Variants in CACNA2D3 observed in about 807,000 individuals in gnomAD.
The protein encoded by CACNA2D3 is voltage-dependent calcium channel subunit alpha-2/delta-3.
A neutral mutation model predicts 160.6 loss-of-function variants in CACNA2D3; 60 were observed. The observed-to-expected ratio is 0.37, with a 90% CI of 0.30 to 0.46. CACNA2D3 has a LOEUF of 0.46. Among genes scored for constraint, CACNA2D3 ranks in the 20% least tolerant of loss-of-function variants. The pLI, the probability that CACNA2D3 is intolerant of heterozygous loss-of-function variation, is 1.00. For missense variants in CACNA2D3, 1,205 were observed against 1,365.0 expected, an observed-to-expected ratio of 0.88 and a Z score of 1.85; for synonymous variants, 558 against 492.9, an observed-to-expected ratio of 1.13 and a Z score of -1.75.
chr3:54,943,639 C>G (rs912647226), intron 27 of CACNA2D3, among the ~76,000 whole-genome samples: 8 of 152,108 alleles, frequency 5.3e-5, no homozygotes, highest in Non-Finnish European at 5.9e-5. Flanking sequence ...TTCTACTCAT[C>G]TTAAATTTTC....
In CACNA2D3 at chr3:54,259,123, C is replaced by T. The variant is rs531855824; in HGVS notation, c.205-61319C>T. 2.0e-5 allele frequency among the ~76,000 whole-genome samples: 3 copies of T among 152,356 alleles called. No homozygotes were observed. In the East Asian group the frequency reaches 5.8e-4, roughly 29 times the overall value. The stretch of plus-strand genomic sequence containing the variant: ...CTTGGCCCACCAATGTCTCACCTTA[C>T]CCTGGAGATAGAGTTGGCTAAAAAA... On this transcript the variant is annotated intron_variant, in intron 2 of 37. Transcript: ENST00000474759.
chr3:54,766,678 T>C (rs1702231135), intron 13 of CACNA2D3, among the ~76,000 whole-genome samples: 1 of 152,110 alleles, frequency 6.6e-6, no homozygotes, highest in Non-Finnish European at 1.5e-5. Flanking sequence ...TTTCAAAATA[T>C]GGGAAGTTAC....
At chr3:54,858,439 C>CT (rs1699217165) in intron 17 of CACNA2D3, among the ~76,000 whole-genome samples, 1 of 152,206 alleles carries the variant, frequency 6.6e-6, no homozygotes, top group Non-Finnish European at 1.5e-5. Context: ...ATGAAACACT[C>CT]TCCTCTTCCA....
At chr3:54,359,070 A>G (rs1422279870) in intron 3 of CACNA2D3, among the ~76,000 whole-genome samples, 1 of 152,094 alleles carries the variant, frequency 6.6e-6, no homozygotes, top group Non-Finnish European at 1.5e-5. Flanking sequence ...ATAACTATGC[A>G]TTATGGGAGA....
At chr3:54,487,614 A>G (rs1575484218) in intron 4 of CACNA2D3, among the ~76,000 whole-genome samples, 1 of 152,164 alleles carries the variant, frequency 6.6e-6, no homozygotes, top group African/African-American at 2.4e-5. Flanking sequence ...GATTAAAAAT[A>G]TTTCTCTTCT....
chr3:54,664,592 G>A (rs1468020635), intron 11 of CACNA2D3, among the ~76,000 whole-genome samples: 1 of 152,212 alleles, frequency 6.6e-6, no homozygotes, highest in African/African-American at 2.4e-5. Flanking sequence ...CCGCCTGGTT[G>A]TACCTCTCAT....
chr3:54,391,485 G>T (rs1023331346), intron 4 of CACNA2D3, among the ~76,000 whole-genome samples: 2 of 151,740 alleles, frequency 1.3e-5, no homozygotes, highest in African/African-American at 4.8e-5. Flanking sequence ...CTTCATTGGC[G>T]GGGTGGCTTT....
chr3:54,424,195 G>T (rs1699880059), intron 4 of CACNA2D3, among the ~76,000 whole-genome samples: 1 of 152,030 alleles, frequency 6.6e-6, no homozygotes, highest in Non-Finnish European at 1.5e-5. Flanking sequence ...TTTTGTACTG[G>T]GCCTATAGAT....
At chr3:54,417,707 C>T (rs924200335) in intron 4 of CACNA2D3, among the ~76,000 whole-genome samples, 1 of 148,636 alleles carries the variant, frequency 6.7e-6, no homozygotes, top group African/African-American at 2.5e-5. Context: ...TTGATTGGAT[C>T]ATTCACACAC....
chr3:55,040,962 T>G (rs1396540003), intron 35 of CACNA2D3, among the ~76,000 whole-genome samples: 2 of 152,200 alleles, frequency 1.3e-5, no homozygotes, highest in Non-Finnish European at 2.9e-5. Flanking sequence ...TAGCTGTTGT[T>G]AAAATATAAG....
At chr3:54,277,306 A>G (rs1446318473) in intron 2 of CACNA2D3, among the ~76,000 whole-genome samples, 1 of 152,218 alleles carries the variant, frequency 6.6e-6, no homozygotes, top group Non-Finnish European at 1.5e-5. Flanking sequence ...ATTTTTGTAT[A>G]CGATGTCACG....
intron 11 of CACNA2D3, among the ~76,000 whole-genome samples, chr3:54,735,645 A>G (rs913234731): frequency 6.6e-6 from 1 of 151,814 alleles, no homozygotes; most frequent in Non-Finnish European, 1.5e-5. Flanking sequence ...CTATGCTTCT[A>G]CTCTTAAGCA....
At chr3:54,958,409 A>G (rs1701954056) in intron 27 of CACNA2D3, among the ~76,000 whole-genome samples, 1 of 152,074 alleles carries the variant, frequency 6.6e-6, no homozygotes, top group Non-Finnish European at 1.5e-5. Flanking sequence ...TTTAAAGAGT[A>G]TTTTTAGGTC....
rs60899252 is a variant in CACNA2D3 at position 54,886,935 on chromosome 3, C to CTTTTTTTTTTTTTTTTTTTTTTTTTT, written c.2057-1010_2057-1009insTTTTTTTTTTTTTTTTTTTTTTTTTT. Among the ~76,000 whole-genome samples the CTTTTTTTTTTTTTTTTTTTTTTTTTT allele has an allele frequency of 1.9e-5, 2 of 107,746 alleles. 1 individual carries two copies. The highest frequency in any genetic ancestry group is 3.4e-5 in the Non-Finnish European group (2 of 58,016). The allele number at this position is 107,746 out of a possible 152,430, so 70.7% of individuals were successfully genotyped here. A position where few individuals can be genotyped will look rare whatever the true frequency, so the allele number is the denominator to read the frequency against. On this transcript the variant is annotated intron_variant, in intron 23 of 37. Coordinates refer to ENST00000474759, the MANE Select transcript of CACNA2D3 (RefSeq NM_018398.3). The stretch of plus-strand genomic sequence containing the variant: ...CTAGCTTTCGCTTTTCAGCAAAGCT[C>CTTTTTTTTTTTTTTTTTTTTTTTTTT]TTTTTTTTTTTTTTGCCCCCAGTCA...
intron 9 of CACNA2D3, among the ~76,000 whole-genome samples, chr3:54,601,944 GA>G (rs372864847): frequency 1.3e-5 from 2 of 151,468 alleles, no homozygotes; most frequent in African/African-American, 2.4e-5. Flanking sequence ...GCCAGTTAAA[GA>G]AAAAAAATAC....
chr3:54,505,006 C>T (rs1559499784), intron 5 of CACNA2D3, among the ~76,000 whole-genome samples: 1 of 152,206 alleles, frequency 6.6e-6, no homozygotes, highest in Admixed American at 6.5e-5. Flanking sequence ...TTCTAAGTCA[C>T]TATTTAAGGG....
At chr3:54,316,026 G>T (rs1409295039) in intron 2 of CACNA2D3, among the ~76,000 whole-genome samples, 2 of 152,102 alleles carry the variant, frequency 1.3e-5, no homozygotes, top group African/African-American at 4.8e-5. Context: ...TGTACAGCTG[G>T]CTGTGAATGT....
At chr3:54,944,237 G>A (rs1362245814) in intron 27 of CACNA2D3, among the ~76,000 whole-genome samples, 1 of 151,884 alleles carries the variant, frequency 6.6e-6, no homozygotes, top group Non-Finnish European at 1.5e-5. Context: ...GAACTCTTTT[G>A]CTTTAGAAAT....
At chr3:54,572,115 G>T (rs1379597530) in intron 8 of CACNA2D3, among the ~76,000 whole-genome samples, 2 of 148,112 alleles carry the variant, frequency 1.4e-5, no homozygotes, top group African/African-American at 4.9e-5. Context: ...TCCAGGCAGA[G>T]GGCCTGGGCC....
Sources: allele counts gnomAD v4.1 joint callset (sites outside exome capture counted in the v4.1 genomes callset), GRCh38; gene constraint gnomAD v4.1.1; transcripts MANE v1.5; gene names NCBI Gene and HGNC (gene_info 2026-07-23, HGNC 2026-07-21).